The following PCDHA3 variants were observed in gnomAD, a reference collection of about 807,000 sequenced individuals.
PCDHA3 encodes the protein protocadherin alpha-3.
Under a neutral mutation model 62.2 loss-of-function variants are expected in PCDHA3, and 41 were observed. The ratio of observed to expected loss-of-function variants is 0.66; its 90% CI spans 0.51 to 0.86. The LOEUF (loss-of-function observed/expected upper bound fraction) is 0.86, where lower values mean the gene tolerates loss of function less well. PCDHA3 is among the 40% of genes least tolerant of loss of function. The pLI, the probability that PCDHA3 is intolerant of heterozygous loss-of-function variation, is 0.00. For synonymous variants in PCDHA3, 640 were observed against 555.4 expected (o/e 1.15, Z -2.14); for missense variants, 1,304 against 1,241.2 (o/e 1.05, Z -0.76).
Position 141,010,819 on chromosome 5 carries a change from TG to T in PCDHA3, c.*883del, listed in dbSNP as rs2098418471. ...AAAACCCCGACACCTCACCTTTCGCTGTTTGTTGTTTCATAGATTTATTTAA... is the reference window on the plus strand; with the variant it reads ...AAAACCCCGACACCTCACCTTTCGCTTTTGTTGTTTCATAGATTTATTTAA... On this transcript the variant is annotated 3_prime_UTR_variant, in exon 4 of 4. Coordinates refer to ENST00000522353, the MANE Select transcript of PCDHA3 (RefSeq NM_018906.3). The T allele has an allele frequency of 6.5e-6, 1 of 153,784 alleles. No individual in the cohort carries two copies. The highest frequency in any genetic ancestry group is 2.1e-4 in the South Asian group (1 of 4,838). 9.5% of individuals were successfully genotyped at this position (153,784 alleles called of 1,614,324 possible).
chr5:140,835,925 C>T lies in PCDHA3; in HGVS notation c.2394+32334C>T, dbSNP rs2150248432. On this transcript the variant is annotated intron_variant, in intron 1 of 3. Transcript: ENST00000522353. ...GCTACGTGTCAGTGCACGCGGAGAG[C>T]GGCAAGGTGTACGCGCTGCAGCCGT... 5 of 1,612,352 alleles carry T rather than the reference C, an allele frequency of 3.1e-6. No individual in the cohort carries two copies. The South Asian group carries it at 5.5e-5, about 18-fold the overall frequency.
At chr5:140,843,830 T>C (rs2150193091) in intron 1 of PCDHA3, 2 of 1,116,788 alleles carry the variant, frequency 1.8e-6, no homozygotes, top group East Asian at 2.4e-5. Flanking sequence ...TTAAACATTG[T>C]TTAGTTTTTA....
rs1219715153 is a variant in PCDHA3 at position 140,821,593 on chromosome 5, C to A, written c.2394+18002C>A. 4.4e-6 allele frequency: 3 copies of A among 678,042 alleles called. No homozygotes were observed. In the East Asian group the frequency reaches 8.7e-5, roughly 20 times the overall value. 42.0% of individuals were successfully genotyped at this position (678,042 alleles called of 1,614,324 possible). A position where few individuals can be genotyped will look rare whatever the true frequency, so the allele number is the denominator to read the frequency against. ...CGGAAGGTTTTTCTCCCTTCCCAGCCTCAAAGGAATACAGTGAGTAGATTT... is the reference window on the plus strand; with the variant it reads ...CGGAAGGTTTTTCTCCCTTCCCAGCATCAAAGGAATACAGTGAGTAGATTT... On this transcript the variant is annotated intron_variant, in intron 1 of 3. Transcript: ENST00000522353.
chr5:140,816,917 T>A (rs1190742888), intron 1 of PCDHA3: 1 of 152,158 alleles, frequency 6.6e-6, no homozygotes, highest in Non-Finnish European at 1.5e-5. Context: ...AGTTATAGAT[T>A]CTGCTGAATC....
intron 1 of PCDHA3, chr5:140,876,054 A>C: frequency 6.2e-7 from 1 of 1,613,940 alleles, no homozygotes; most frequent in Non-Finnish European, 8.5e-7. Context: ...TGCCTGAATT[A>C]GTTCTTCGGA....
At chr5:140,926,018 G>C (rs1489789521) in intron 1 of PCDHA3, among the ~76,000 whole-genome samples, 1 of 152,122 alleles carries the variant, frequency 6.6e-6, no homozygotes, top group Non-Finnish European at 1.5e-5. Context: ...CCAGAGTCCG[G>C]AGGCAGTTTG....
At chr5:140,921,333 A>G (rs1245281166) in intron 1 of PCDHA3, among the ~76,000 whole-genome samples, 1 of 152,182 alleles carries the variant, frequency 6.6e-6, no homozygotes, top group Admixed American at 6.5e-5. Flanking sequence ...GTCTGGTCCA[A>G]TCACATAATA....
In PCDHA3 at chr5:140,801,213, C is replaced by A. The variant is rs1482637194; in HGVS notation, c.16C>A (p.Arg6=). ...AATACTTGCAATGTTGTTCTCCTGG[C>A]GAGAAGATCCTGGAGCCCAGTGCCT... MLFSW[R]EDPGAQCLLL... The change falls in exon 1 of 4, where the codon CGA becomes AGA. Residue 6 remains arginine (R), a synonymous_variant. Coordinates refer to ENST00000522353, the MANE Select transcript of PCDHA3 (RefSeq NM_018906.3). 3.1e-6 allele frequency: 5 copies of A among 1,605,496 alleles called. No individual in the cohort carries two copies. The highest frequency in any genetic ancestry group is 4.3e-6 in the Non-Finnish European group (5 of 1,175,282).
At chr5:140,908,692 C>G (rs2074096551) in intron 1 of PCDHA3, among the ~76,000 whole-genome samples, 1 of 152,208 alleles carries the variant, frequency 6.6e-6, no homozygotes, top group South Asian at 2.1e-4. Context: ...CTGCCACTGA[C>G]ACCTCAAGCA....
At chr5:140,842,393 C>T in intron 1 of PCDHA3, 4 of 1,611,054 alleles carry the variant, frequency 2.5e-6, no homozygotes, top group Non-Finnish European at 3.4e-6. Context: ...CTTATCCTTG[C>T]CTGTACGTGA....
chr5:140,937,933 A>C (rs1452935525), intron 1 of PCDHA3, among the ~76,000 whole-genome samples: 1 of 151,854 alleles, frequency 6.6e-6, no homozygotes, highest in Non-Finnish European at 1.5e-5. Flanking sequence ...AAAAAGTTTA[A>C]TTTGATAATT....
In PCDHA3 at chr5:140,966,984, G is replaced by A. The variant is rs1217682338; in HGVS notation, c.2395-11965G>A. 4.4e-6 allele frequency: 7 copies of A among 1,603,802 alleles called. No individual in the cohort carries two copies. In the Admixed American group the frequency reaches 5.0e-5, roughly 11 times the overall value. Reference sequence around the variant, plus strand: ...CTGGGGCTTGAGCTGCGGCGCTTGGGGCCGGGTTGCTTGCGCATCAACCAT... The same window carrying A: ...CTGGGGCTTGAGCTGCGGCGCTTGGAGCCGGGTTGCTTGCGCATCAACCAT... On this transcript the variant is annotated intron_variant, in intron 1 of 3. Transcript: ENST00000522353.
chr5:140,964,363 G>A (rs1050460842), intron 1 of PCDHA3, among the ~76,000 whole-genome samples: 1 of 152,188 alleles, frequency 6.6e-6, no homozygotes, highest in Non-Finnish European at 1.5e-5. Flanking sequence ...GATGACAAGA[G>A]TGCTGAAAGG....
rs530119651 is a variant in PCDHA3, at chr5:140,965,991, T to A, written c.2395-12958T>A. ...CCTAGGAGTTGAGCACTTTCTGCAG[T>A]ACTTAAGAGTGTCCAGGGAAGATGT... On this transcript the variant is annotated intron_variant, in intron 1 of 3. Transcript: ENST00000522353. Among the ~76,000 whole-genome samples, 253 of 152,310 alleles carry A rather than the reference T, an allele frequency of 1.7e-3. 2 individuals carry two copies. Among genetic ancestry groups the A allele is most frequent in the Non-Finnish European group, 2.4e-3 (164 of 68,034 alleles).
intron 1 of PCDHA3, chr5:140,875,613 C>G (rs2055652849): frequency 8.1e-6 from 13 of 1,613,708 alleles, no homozygotes; most frequent in Non-Finnish European, 1.1e-5. Flanking sequence ...TCGTGGGCCG[C>G]ATCGCTCAGG....
chr5:140,932,703 G>A (rs1218359293), intron 1 of PCDHA3, among the ~76,000 whole-genome samples: 2 of 151,660 alleles, frequency 1.3e-5, no homozygotes, highest in Non-Finnish European at 3.0e-5. Flanking sequence ...AACTCATATA[G>A]ACAACACAAT....
chr5:140,903,491 G>T (rs1253397353), intron 1 of PCDHA3, among the ~76,000 whole-genome samples: 4 of 152,094 alleles, frequency 2.6e-5, no homozygotes, highest in African/African-American at 9.7e-5. Flanking sequence ...GTTCTGAGCA[G>T]GTACCATAGA....
chr5:140,809,031 C>T, intron 1 of PCDHA3: 1 of 1,613,858 alleles, frequency 6.2e-7, no homozygotes. Flanking sequence ...CAGCCGGGGA[C>T]TGGTGGCGCG....
chr5:140,850,323 G>A (rs2150479672), intron 1 of PCDHA3: 4 of 1,597,370 alleles, frequency 2.5e-6, no homozygotes, highest in Non-Finnish European at 3.4e-6. Context: ...GCTTTCATAC[G>A]AGCTGCAGCC....
Sources: gnomAD v4.1 joint callset for allele counts (sites outside exome capture counted in the v4.1 genomes callset) on GRCh38, gnomAD v4.1.1 for gene constraint, MANE v1.5 for transcripts, NCBI Gene and HGNC (gene_info 2026-07-23, HGNC 2026-07-21) for gene names.